The following ZNF277 variants were observed in gnomAD, a reference collection of about 807,000 sequenced individuals.
The protein encoded by ZNF277 is zinc finger protein 277.
In ZNF277, 55 loss-of-function variants were observed where a neutral mutation model predicts 60.7. The ratio of observed to expected loss-of-function variants is 0.91; its 90% CI spans 0.73 to 1.13. The LOEUF is 1.13. Among genes scored for constraint, ZNF277 ranks in the 50% most tolerant of loss-of-function variants. The pLI, the probability that ZNF277 is intolerant of heterozygous loss-of-function variation, is 0.00. For missense variants in ZNF277, 510 were observed against 523.0 expected (o/e 0.98, Z 0.24); for synonymous variants, 178 against 179.3 (o/e 0.99, Z 0.06).
chr7:112,262,255 A>G (rs1277773751), intron 1 of ZNF277, among the ~76,000 whole-genome samples: 1 of 151,836 alleles, frequency 6.6e-6, no homozygotes, highest in African/African-American at 2.4e-5. Context: ...TACAAAAAAA[A>G]AAAAAAAAAA....
intron 1 of ZNF277, among the ~76,000 whole-genome samples, chr7:112,227,975 A>G (rs1160576422): frequency 2.6e-5 from 4 of 152,028 alleles, no homozygotes; most frequent in African/African-American, 9.7e-5. Context: ...ATCTTAAAAC[A>G]AAAGAAATTT....
intron 1 of ZNF277, among the ~76,000 whole-genome samples, chr7:112,264,613 GTATC>G (rs1791505669): frequency 6.6e-6 from 1 of 152,004 alleles, no homozygotes. Flanking sequence ...GAAAAAAAAA[GTATC>G]AAGAAAGTAT....
At chr7:112,311,262 C>A (rs1238725118) in intron 4 of ZNF277, among the ~76,000 whole-genome samples, 1 of 152,042 alleles carries the variant, frequency 6.6e-6, no homozygotes, top group African/African-American at 2.4e-5. Flanking sequence ...TAGGCATTGA[C>A]CCCTTTGCTG....
intron 1 of ZNF277, among the ~76,000 whole-genome samples, chr7:112,246,126 G>T (rs1437064785): frequency 6.6e-6 from 1 of 152,074 alleles, no homozygotes; most frequent in African/African-American, 2.4e-5. Context: ...GCTCATACCT[G>T]TAATCTTACT....
At position 112,311,439 on chromosome 7, in the gene ZNF277, G is replaced by A. The variant is rs1369127567; in HGVS notation, c.466-6743G>A. ...ATCAGCTTCTTTGAGAGGCTCAAAT[G>A]TATAATGTCTGAGCCATGCTCTTCA... On this transcript the variant is annotated intron_variant, in intron 4 of 11. Coordinates refer to ENST00000361822, the MANE Select transcript of ZNF277 (RefSeq NM_021994.3). 2.0e-5 allele frequency among the ~76,000 whole-genome samples: 3 copies of A among 152,084 alleles called. No homozygotes were observed. In the East Asian group the frequency reaches 5.8e-4, roughly 29 times the overall value.
At chr7:112,296,135 GAC>G (rs1180228162) in intron 3 of ZNF277, 92 bp from the exon 4 acceptor site, 15 of 1,017,772 alleles carry the variant, frequency 1.5e-5, no homozygotes, top group Non-Finnish European at 2.3e-5. Flanking sequence ...GATCCTAATA[GAC>G]ACACACATCT....
At chr7:112,215,870 AAC>A (rs1192238866) in intron 1 of ZNF277, among the ~76,000 whole-genome samples, 1 of 152,236 alleles carries the variant, frequency 6.6e-6, no homozygotes, top group African/African-American at 2.4e-5. Context: ...GTGGTTATTT[AAC>A]ACAGTCTTCT....
intron 9 of ZNF277, 80 bp from the exon 10 acceptor site, chr7:112,339,763 C>G: frequency 7.2e-7 from 1 of 1,394,276 alleles, no homozygotes; most frequent in Non-Finnish European, 1.0e-6. Context: ...ACTCAAACTC[C>G]TGTGAATAAG....
At position 112,327,748 on chromosome 7, in the gene ZNF277, C is replaced by T. The variant is rs758709378; in HGVS notation, c.589C>T (p.His197Tyr). Residue 197 changes from histidine to tyrosine, a missense_variant, in exon 6 of 12, where the codon CAT becomes TAT. His to Tyr is a moderately conservative substitution (Grantham distance 83). Transcript: ENST00000361822. ...TATTTTGAACCACATGGCCAGAGAA[C>T]ATGCTTTCAACATTGGATTGCCAGA... Reference protein sequence around the residue: ...SVILNHMAREHAFNIGLPDNI... With the variant: ...SVILNHMAREYAFNIGLPDNI... 6.2e-7 allele frequency: 1 copy of T among 1,612,440 alleles called. No individual in the cohort carries two copies. The highest frequency in any genetic ancestry group is 1.1e-5 in the South Asian group (1 of 90,618).
At chr7:112,270,081 C>T (rs1006960776) in intron 1 of ZNF277, among the ~76,000 whole-genome samples, 5 of 152,026 alleles carry the variant, frequency 3.3e-5, no homozygotes, top group African/African-American at 7.2e-5. Flanking sequence ...CCACTGGATT[C>T]GCATCCAGAA....
At chr7:112,301,836 C>T (rs968909947) in intron 4 of ZNF277, among the ~76,000 whole-genome samples, 5 of 152,106 alleles carry the variant, frequency 3.3e-5, no homozygotes, top group Non-Finnish European at 5.9e-5. Flanking sequence ...TTCTCTGAGG[C>T]TTGCTCTTAC....
chr7:112,315,122 T>C lies in ZNF277; in HGVS notation c.466-3060T>C, dbSNP rs143056160. On this transcript the variant is annotated intron_variant, in intron 4 of 11. Coordinates refer to ENST00000361822, the MANE Select transcript of ZNF277 (RefSeq NM_021994.3). ...ATCTGGTAAGCTCAGTAGATCCAAA[T>C]TGAAGAGAACTCAATAATAAGAAAC... Among the ~76,000 whole-genome samples, 356 of 152,180 alleles carry C rather than the reference T, an allele frequency of 2.3e-3. 14 individuals are homozygous for C. The East Asian group carries it at 0.057, about 25-fold the overall frequency.
At chr7:112,296,931 T>TTTTTTTTTTTTTTTTTATTTTA (rs1792365597) in intron 4 of ZNF277, among the ~76,000 whole-genome samples, 1 of 84,072 alleles carries the variant, frequency 1.2e-5, no homozygotes, top group Non-Finnish European at 2.6e-5. Flanking sequence ...TTTTTTTTTT[T>TTTTTTTTTTTTTTTTTATTTTA]TTTTTTTTTT....
At chr7:112,292,442 T>C (rs1217879081) in intron 2 of ZNF277, among the ~76,000 whole-genome samples, 1 of 152,218 alleles carries the variant, frequency 6.6e-6, no homozygotes, top group Non-Finnish European at 1.5e-5. Flanking sequence ...GAAAACATTC[T>C]CTTCCTCTTC....
intron 4 of ZNF277, among the ~76,000 whole-genome samples, chr7:112,309,149 T>C (rs577542517): frequency 6.6e-6 from 1 of 152,086 alleles, no homozygotes; most frequent in East Asian, 1.9e-4. Flanking sequence ...GTGCCATATT[T>C]TGGGGTGGCA....
In ZNF277 at chr7:112,340,955, A is replaced by T. The variant is rs1793432919; in HGVS notation, c.1093A>T (p.Lys365Ter). 1 of 1,612,912 alleles carries T rather than the reference A, an allele frequency of 6.2e-7. No individual in the cohort carries two copies. Among genetic ancestry groups the T allele is most frequent in the South Asian group, 1.1e-5 (1 of 90,612 alleles). ...ATGCAGATGTTATGGCTGCCATGTG[A>T]AGTTCAAATCCAAAGCAGACTTAAG... Reference protein sequence around the residue: ...HQCRCYGCHVKFKSKADLRTH... With the variant: ...HQCRCYGCHV The change falls in exon 11 of 12, where the codon AAG (lysine) becomes TAG (stop). Residue 365 changes from lysine (K) to a stop codon, truncating the protein, a stop_gained. Transcript: ENST00000361822. LOFTEE classifies it high-confidence loss of function.
chr7:112,258,302 A>G (rs981662064), intron 1 of ZNF277, among the ~76,000 whole-genome samples: 16 of 151,928 alleles, frequency 1.1e-4, no homozygotes, highest in Non-Finnish European at 2.9e-5. Context: ...AGTTAGGATT[A>G]CTAGATTAAG....
chr7:112,299,154 A>G (rs1247887052), intron 4 of ZNF277, among the ~76,000 whole-genome samples: 1 of 152,170 alleles, frequency 6.6e-6, no homozygotes, highest in East Asian at 1.9e-4. Context: ...AGTTCATCAC[A>G]ATTTTATGCT....
chr7:112,236,265 G>A (rs988277658), intron 1 of ZNF277, among the ~76,000 whole-genome samples: 1 of 152,018 alleles, frequency 6.6e-6, no homozygotes, highest in Non-Finnish European at 1.5e-5. Flanking sequence ...AATACAAATA[G>A]CACCAGTAAC....
Sources: gnomAD v4.1 joint callset for allele counts (sites outside exome capture counted in the v4.1 genomes callset) on GRCh38, gnomAD v4.1.1 for gene constraint, MANE v1.5 for transcripts, NCBI Gene and HGNC (gene_info 2026-07-23, HGNC 2026-07-21) for gene names.